UTS2B: variants seen among roughly 807,000 people sequenced by gnomAD.
UTS2B encodes urotensin-2B.
Under a neutral mutation model 19.2 loss-of-function variants are expected in UTS2B, and 21 were observed. The observed-to-expected ratio is 1.09, with a 90% confidence interval of 0.78 to 1.58. The LOEUF (loss-of-function observed/expected upper bound fraction) is 1.58, where lower values mean the gene tolerates loss of function less well. Among genes scored for constraint, UTS2B ranks in the 40% most tolerant of loss-of-function variants. UTS2B has a pLI of 0.00. For missense variants in UTS2B, 138 were observed against 130.3 expected, an observed-to-expected ratio of 1.06 and a Z score of -0.29; for synonymous variants, 57 against 50.2, an observed-to-expected ratio of 1.14 and a Z score of -0.58.
intron 3 of UTS2B, among the ~76,000 whole-genome samples, chr3:191,307,647 G>A (rs74484467): frequency 0.026 from 4,011 of 152,110 alleles, 190 homozygotes; most frequent in African/African-American, 0.092. Flanking sequence ...TCTACCTCAT[G>A]GAGTGTTAAC....
chr3:191,334,558 T>C (rs971089847), upstream of UTS2B, among the ~76,000 whole-genome samples: 1 of 152,110 alleles, frequency 6.6e-6, no homozygotes, highest in Non-Finnish European at 1.5e-5. Context: ...AAGTGAGTTG[T>C]ATTAAACCAC....
At chr3:191,332,190 A>G (rs992505954), upstream of UTS2B, among the ~76,000 whole-genome samples, 1 of 152,186 alleles carries the variant, frequency 6.6e-6, no homozygotes, top group Admixed American at 6.5e-5. Context: ...ACATTAGGGT[A>G]AGGGGATATT....
At chr3:191,308,221 G>C (rs970042416) in intron 3 of UTS2B, among the ~76,000 whole-genome samples, 4 of 152,192 alleles carry the variant, frequency 2.6e-5, no homozygotes, top group Non-Finnish European at 4.4e-5. Flanking sequence ...TAGAACTTCA[G>C]TGGCTTGGAA....
At chr3:191,296,728 G>A (rs900198848) in intron 4 of UTS2B, among the ~76,000 whole-genome samples, 2 of 152,254 alleles carry the variant, frequency 1.3e-5, no homozygotes, top group African/African-American at 4.8e-5. Context: ...ACACAAAATA[G>A]GTCTTTCTTA....
At chr3:191,272,331 A>G (rs937147092) in intron 8 of UTS2B, among the ~76,000 whole-genome samples, 7 of 152,244 alleles carry the variant, frequency 4.6e-5, no homozygotes, top group African/African-American at 1.7e-4. Context: ...GGTTTGAAAA[A>G]TTAAGAGTTA....
intron 3 of UTS2B, among the ~76,000 whole-genome samples, chr3:191,304,856 G>T (rs1466990251): frequency 6.6e-6 from 1 of 152,086 alleles, no homozygotes; most frequent in Non-Finnish European, 1.5e-5. Flanking sequence ...CCCAGTGTGT[G>T]TTGTTCCCCT....
intron 3 of UTS2B, among the ~76,000 whole-genome samples, chr3:191,307,898 CA>C (rs1233767275): frequency 3.4e-5 from 5 of 148,712 alleles, no homozygotes; most frequent in Non-Finnish European, 7.4e-5. Context: ...TGTAGTGGCA[CA>C]ATCTCAGCTC....
At chr3:191,292,633 T>A (rs145819785) in intron 4 of UTS2B, among the ~76,000 whole-genome samples, 1 of 152,298 alleles carries the variant, frequency 6.6e-6, no homozygotes, top group African/African-American at 2.4e-5. Context: ...TCAATTTGGG[T>A]ATCTTTTATT....
chr3:191,303,178 G>A (rs1717047955), intron 4 of UTS2B, among the ~76,000 whole-genome samples: 6 of 152,138 alleles, frequency 3.9e-5, no homozygotes, highest in Admixed American at 3.3e-4. Context: ...TTTTGTAGCT[G>A]AGGATACTGT....
intron 4 of UTS2B, among the ~76,000 whole-genome samples, chr3:191,284,399 G>T (rs1347512703): frequency 6.6e-6 from 1 of 151,822 alleles, no homozygotes; most frequent in Non-Finnish European, 1.5e-5. Context: ...ATGGTTCACT[G>T]CAACCTTCAC....
upstream of UTS2B, among the ~76,000 whole-genome samples, chr3:191,332,266 T>C (rs1718014873): frequency 1.3e-5 from 2 of 152,198 alleles, no homozygotes; most frequent in Non-Finnish European, 2.9e-5. Context: ...AAGTCAAAAA[T>C]ATTCATCATT....
At chr3:191,280,362 C>T (rs1328927438) in intron 5 of UTS2B, among the ~76,000 whole-genome samples, 1 of 152,024 alleles carries the variant, frequency 6.6e-6, no homozygotes, top group African/African-American at 2.4e-5. Context: ...AGGATTGTGC[C>T]ATTTGTCTTG....
intron 7 of UTS2B, 115 bp downstream of exon 7, chr3:191,276,692 G>A: frequency 2.3e-6 from 2 of 852,478 alleles, no homozygotes; most frequent in Non-Finnish European, 3.5e-6. Context: ...TGTTTAGCAG[G>A]AATAAAAGTT....
intron 4 of UTS2B, among the ~76,000 whole-genome samples, chr3:191,292,232 G>C (rs1203697825): frequency 2.0e-5 from 3 of 151,924 alleles, no homozygotes; most frequent in Admixed American, 1.3e-4. Context: ...GCCTGGATCT[G>C]TGAACACAGA....
At chr3:191,313,523 T>C (rs530098259) in intron 3 of UTS2B, among the ~76,000 whole-genome samples, 1 of 150,798 alleles carries the variant, frequency 6.6e-6, no homozygotes, top group Non-Finnish European at 1.5e-5. Flanking sequence ...TAACGATATA[T>C]GTTTGTGAGA....
chr3:191,272,705 C>CA (rs1716122904), intron 8 of UTS2B, among the ~76,000 whole-genome samples: 2 of 150,756 alleles, frequency 1.3e-5, no homozygotes, highest in South Asian at 2.1e-4. Flanking sequence ...ACTGAAAATA[C>CA]AAAAAATTAG....
chr3:191,343,725 A>T, the UTS2B span, among the ~76,000 whole-genome samples: 1 of 152,260 alleles, frequency 6.6e-6, no homozygotes, highest in East Asian at 1.9e-4. Flanking sequence ...TTTCAGGGCC[A>T]GTTGAAATTC....
chr3:191,341,026 A>C, the UTS2B span, among the ~76,000 whole-genome samples: 2 of 151,084 alleles, frequency 1.3e-5, no homozygotes, highest in African/African-American at 4.9e-5. Context: ...GGGTCTCACT[A>C]TATTGCCCAG....
chr3:191,318,705 G>C (rs1412318010), intron 2 of UTS2B, among the ~76,000 whole-genome samples: 1 of 152,164 alleles, frequency 6.6e-6, no homozygotes, highest in Non-Finnish European at 1.5e-5. Flanking sequence ...TCCTGAGTTC[G>C]AGCAATCCAC....
Sources: allele counts gnomAD v4.1 joint callset (sites outside exome capture counted in the v4.1 genomes callset), GRCh38; gene constraint gnomAD v4.1.1; transcripts MANE v1.5; gene names NCBI Gene and HGNC (gene_info 2026-07-23, HGNC 2026-07-21).